Variants in AGAP1 observed in about 807,000 individuals in gnomAD.
The protein encoded by AGAP1 is ArfGAP with GTPase domain, ankyrin repeat and PH domain 1.
A neutral mutation model predicts 105.3 loss-of-function variants in AGAP1; 29 were observed. That is an observed-to-expected ratio of 0.28 (90% CI 0.21 to 0.38). The LOEUF (loss-of-function observed/expected upper bound fraction) is 0.38. Among genes scored for constraint, AGAP1 ranks in the 10% least tolerant of loss-of-function variants. AGAP1 has a pLI of 1.00. For missense variants in AGAP1, 998 were observed against 1,165.1 expected (o/e 0.86, Z 2.09); for synonymous variants, 509 against 485.9 (o/e 1.05, Z -0.63).
intron 6 of AGAP1, among the ~76,000 whole-genome samples, chr2:235,760,627 A>G (rs1327744348): frequency 6.6e-6 from 1 of 152,150 alleles, no homozygotes; most frequent in Non-Finnish European, 1.5e-5. Context: ...GATCTGTCAC[A>G]CAGGCTGGAG....
chr2:236,069,707 A>T (rs1220495516), intron 16 of AGAP1, among the ~76,000 whole-genome samples: 1 of 152,236 alleles, frequency 6.6e-6, no homozygotes, highest in Non-Finnish European at 1.5e-5. Flanking sequence ...TACCGGAGTG[A>T]GCCACTGCAC....
Position 236,120,169 on chromosome 2 carries a change from A to G in AGAP1, c.2115-23A>G, listed in dbSNP as rs745390898. ...TGTTCTCGGGCCTGATCGTGACTGC[A>G]CCTGTCTGGTGGCTCTTTGCAGGGA... On this transcript the variant is annotated intron_variant, in intron 16 of 17. Coordinates refer to ENST00000304032, the MANE Select transcript of AGAP1 (RefSeq NM_001037131.3). The surrounding 1 kb of genome is among the most constrained non-coding windows in gnomAD (Gnocchi z 6.0). 37 of 1,597,188 alleles carry G rather than the reference A, an allele frequency of 2.3e-5. No individual in the cohort carries two copies. The South Asian group carries it at 4.2e-4, about 18-fold the overall frequency.
chr2:235,761,717 G>T (rs528405554), intron 6 of AGAP1, among the ~76,000 whole-genome samples: 70 of 152,308 alleles, frequency 4.6e-4, no homozygotes, highest in African/African-American at 1.6e-3. Context: ...AAGAATAAGA[G>T]AATATTACTT....
intron 13 of AGAP1, among the ~76,000 whole-genome samples, chr2:235,999,166 GAT>G (rs2055962106): frequency 6.6e-6 from 1 of 150,630 alleles, no homozygotes; most frequent in African/African-American, 2.4e-5. Context: ...TGGTGGTGAT[GAT>G]GATGATAATG....
rs564961909 is a variant in AGAP1, at chr2:235,690,777, C to T, written c.164-18402C>T. Among the ~76,000 whole-genome samples, 47 of 152,212 alleles carry T rather than the reference C, an allele frequency of 3.1e-4. No individual in the cohort carries two copies. The highest frequency in any genetic ancestry group is 7.9e-4 in the African/African-American group (33 of 41,546). ...TTTTTGTTGCTTTTACGGTTATCTT[C>T]GGGTAAAGTCATTGTGTTTCTTCTT... is the stretch of plus-strand genomic sequence containing the variant. On this transcript the variant is annotated intron_variant, in intron 1 of 17. Transcript: ENST00000304032. The surrounding 1 kb of genome is among the most constrained non-coding windows in gnomAD (Gnocchi z 4.1).
Position 235,750,617 on chromosome 2 carries a change from C to T in AGAP1, c.673+129C>T, listed in dbSNP as rs994658768. ...GTCGTTGATGGGTGGGCATTAGTAT[C>T]GAGAGCAGTCCATTCCAGAGGCAAT... On this transcript the variant is annotated intron_variant, in intron 6 of 17. Transcript: ENST00000304032. The surrounding 1 kb of genome is among the most constrained non-coding windows in gnomAD (Gnocchi z 5.3). 1.4e-5 allele frequency: 19 copies of T among 1,334,664 alleles called. No homozygotes were observed. Among genetic ancestry groups the T allele is most frequent in the Admixed American group, 5.4e-5 (3 of 55,774 alleles). The allele number at this position is 1,334,664 out of a possible 1,614,324, so 82.7% of individuals were successfully genotyped here.
chr2:236,001,796 G>A lies in AGAP1; in HGVS notation c.1645+33173G>A, dbSNP rs1219477570. Among the ~76,000 whole-genome samples, 1 of 152,164 alleles carries A rather than the reference G, an allele frequency of 6.6e-6. No homozygotes were observed. The highest frequency in any genetic ancestry group is 1.5e-5 in the Non-Finnish European group (1 of 68,036). ...AGTTCTTCCACAAGCTGTTTGAAAG[G>A]CCACAGGGCACTGCGTGGAATGCGT... On this transcript the variant is annotated intron_variant, in intron 13 of 17. Transcript: ENST00000304032. The surrounding 1 kb of genome is among the most constrained non-coding windows in gnomAD (Gnocchi z 4.7).
At chr2:236,112,629 C>T (rs895126254) in intron 16 of AGAP1, among the ~76,000 whole-genome samples, 3 of 152,174 alleles carry the variant, frequency 2.0e-5, no homozygotes, top group Admixed American at 6.5e-5. Context: ...AGTTGTATGA[C>T]GCTGGGCAAA....
chr2:235,501,094 G>A (rs1286803412), intron 1 of AGAP1, among the ~76,000 whole-genome samples: 1 of 152,088 alleles, frequency 6.6e-6, no homozygotes, highest in Non-Finnish European at 1.5e-5. Flanking sequence ...GGCCACTCCC[G>A]GATTCCTTAG....
rs562448696 is a variant in AGAP1 at position 236,114,990 on chromosome 2, C to A, written c.2115-5202C>A. On this transcript the variant is annotated intron_variant, in intron 16 of 17. Coordinates refer to ENST00000304032, the MANE Select transcript of AGAP1 (RefSeq NM_001037131.3). This position sits in a 1 kb window ranked among gnomAD's most constrained non-coding sequence, Gnocchi z 5.0. ...ACCCTCGGGGGAGCTCACAAGATGC[C>A]AGCAGGCTTGGCAAGACCTCTGGCC... 2.6e-5 allele frequency among the ~76,000 whole-genome samples: 4 copies of A among 152,296 alleles called. No homozygotes were observed. In the South Asian group the frequency reaches 8.3e-4, roughly 32 times the overall value.
chr2:235,885,456 G>A (rs184587290), intron 10 of AGAP1, among the ~76,000 whole-genome samples: 253 of 152,248 alleles, frequency 1.7e-3, no homozygotes, highest in African/African-American at 5.3e-3. Context: ...TGTCCAATTT[G>A]CCTAGGATAC....
At chr2:235,693,610 G>A (rs111577357) in intron 1 of AGAP1, among the ~76,000 whole-genome samples, 81 of 152,132 alleles carry the variant, frequency 5.3e-4, no homozygotes, top group African/African-American at 1.8e-3. Flanking sequence ...GTAGTCCTAG[G>A]TACTCGAAGC....
At chr2:235,897,913 G>C (rs1285068972) in intron 10 of AGAP1, among the ~76,000 whole-genome samples, 1 of 152,174 alleles carries the variant, frequency 6.6e-6, no homozygotes, top group African/African-American at 2.4e-5. Flanking sequence ...TTTCTTCTCA[G>C]GTGTGCCTGT....
At chr2:235,669,412 C>G (rs572987150) in intron 1 of AGAP1, among the ~76,000 whole-genome samples, 1 of 152,136 alleles carries the variant, frequency 6.6e-6, no homozygotes, top group Admixed American at 6.5e-5. Context: ...TTTTAGGGTG[C>G]AGGCTGGTGC....
rs943005165 is a variant in AGAP1 at position 235,631,151 on chromosome 2, G to A, written c.164-78028G>A. ...AGGGAAAATCCACAGGACGAGGGCT[G>A]ATGTTAGCAGGGTTCATTACTTCTG... On this transcript the variant is annotated intron_variant, in intron 1 of 17. Transcript: ENST00000304032. This position sits in a 1 kb window ranked among gnomAD's most constrained non-coding sequence, Gnocchi z 5.4. Among the ~76,000 whole-genome samples, 2 of 152,196 alleles carry A rather than the reference G, an allele frequency of 1.3e-5. No individual in the cohort carries two copies. The highest frequency in any genetic ancestry group is 4.8e-5 in the African/African-American group (2 of 41,448).
chr2:235,742,548 C>T (rs185441819), intron 4 of AGAP1, among the ~76,000 whole-genome samples: 79 of 152,242 alleles, frequency 5.2e-4, no homozygotes, highest in African/African-American at 1.9e-3. Flanking sequence ...CAGTGACCGT[C>T]TGGTAGTTTA....
rs73996620 is a variant in AGAP1, at chr2:235,880,905, G to A, written c.1051-2440G>A. 7.6e-3 allele frequency among the ~76,000 whole-genome samples: 1,151 copies of A among 152,298 alleles called. 7 individuals are homozygous for A. Among genetic ancestry groups the A allele is most frequent in the African/African-American group, 0.027 (1,117 of 41,536 alleles). ...CCCTTCTCTAATTCCTGCCATGCAA[G>A]GAAGCCCTTATTGTCTTGGTTTGCA... On this transcript the variant is annotated intron_variant, in intron 9 of 17. Coordinates refer to ENST00000304032, the MANE Select transcript of AGAP1 (RefSeq NM_001037131.3).
intron 16 of AGAP1, among the ~76,000 whole-genome samples, chr2:236,064,655 C>T (rs1320841676): frequency 2.0e-5 from 3 of 152,136 alleles, no homozygotes; most frequent in African/African-American, 7.2e-5. Context: ...GGAAAGAGCC[C>T]TCCAAAAATT....
rs1469080297 is a variant in AGAP1, at chr2:236,109,710, G to A, written c.2115-10482G>A. 6.6e-6 allele frequency among the ~76,000 whole-genome samples: 1 copy of A among 152,242 alleles called. No homozygotes were observed. The highest frequency in any genetic ancestry group is 2.4e-5 in the African/African-American group (1 of 41,470). ...AGCCGTGGAAACGTTCTGGATCCGAGCATCCCAGGGTAGCAGCTGCCAACC... is the reference window on the plus strand; with the variant it reads ...AGCCGTGGAAACGTTCTGGATCCGAACATCCCAGGGTAGCAGCTGCCAACC... On this transcript the variant is annotated intron_variant, in intron 16 of 17. Transcript: ENST00000304032. The surrounding 1 kb of genome is among the most constrained non-coding windows in gnomAD (Gnocchi z 5.4).
Sources: allele counts gnomAD v4.1 joint callset (sites outside exome capture counted in the v4.1 genomes callset), GRCh38; gene constraint gnomAD v4.1.1; non-coding constraint Gnocchi (gnomAD v3.1); transcripts MANE v1.5; gene names NCBI Gene and HGNC (gene_info 2026-07-23, HGNC 2026-07-21).